Variants in CSMD3 observed in about 807,000 individuals in gnomAD.
CSMD3 encodes the protein CUB and Sushi multiple domains 3.
CSMD3 carries 177 observed loss-of-function variants against 435.2 expected under a neutral mutation model. The ratio of observed to expected loss-of-function variants is 0.41; its 90% confidence interval spans 0.36 to 0.46. The LOEUF (loss-of-function observed/expected upper bound fraction) is 0.46, where lower values mean the gene tolerates loss of function less well. Ranked by LOEUF, CSMD3 falls within the 20% of genes least tolerant of loss-of-function variation. CSMD3 has a pLI of 0.34. For synonymous variants in CSMD3, 1,656 were observed against 1,520.5 expected, an observed-to-expected ratio of 1.09 and a Z score of -2.07; for missense variants, 4,265 against 4,504.6, an observed-to-expected ratio of 0.95 and a Z score of 1.52.
intron 27 of CSMD3, among the ~76,000 whole-genome samples, chr8:112,549,508 C>T (rs980272080): frequency 5.3e-5 from 8 of 151,890 alleles, no homozygotes; most frequent in Non-Finnish European, 7.4e-5. Context: ...GTTCCATAAA[C>T]AAAAAGTCAG....
chr8:113,331,685 A>C (rs1376126059), intron 1 of CSMD3, among the ~76,000 whole-genome samples: 1 of 151,806 alleles, frequency 6.6e-6, no homozygotes, highest in African/African-American at 2.4e-5. Context: ...AAATCCACTA[A>C]GTATCCCAAT....
At chr8:112,493,048 A>C (rs1820861215) in intron 30 of CSMD3, among the ~76,000 whole-genome samples, 4 of 152,088 alleles carry the variant, frequency 2.6e-5, no homozygotes, top group Admixed American at 1.3e-4. Context: ...CCTTTAAGAC[A>C]TGTTCATTTC....
At position 113,051,482 on chromosome 8, in the gene CSMD3, A is replaced by C. The variant is rs2088091734; in HGVS notation, c.918-32303T>G. On this transcript the variant is annotated intron_variant, in intron 5 of 70. Transcript: ENST00000297405. ...TTAATAAATTGTTTTTTACCGTTAA[A>C]GCTCTATTTGCAAATTTCTAAATTT... is the stretch of plus-strand genomic sequence containing the variant. 2.0e-5 allele frequency among the ~76,000 whole-genome samples: 3 copies of C among 152,280 alleles called. 1 individual carries two copies. The South Asian group carries it at 6.2e-4, about 32-fold the overall frequency.
chr8:112,329,278 G>T (rs149762071), intron 45 of CSMD3, among the ~76,000 whole-genome samples: 158 of 152,184 alleles, frequency 1.0e-3, no homozygotes, highest in Non-Finnish European at 2.0e-3. Context: ...CTTTGACCTT[G>T]TTGAAACAAG....
chr8:113,333,157 G>C (rs1002780759), intron 1 of CSMD3, among the ~76,000 whole-genome samples: 1 of 151,522 alleles, frequency 6.6e-6, no homozygotes, highest in African/African-American at 2.4e-5. Context: ...AATTTGAAAG[G>C]TTGTATATAT....
intron 13 of CSMD3, among the ~76,000 whole-genome samples, chr8:112,700,194 G>A (rs2131872202): frequency 6.6e-6 from 1 of 152,152 alleles, no homozygotes; most frequent in Non-Finnish European, 1.5e-5. Context: ...CAAATTATTT[G>A]ATGCTTCTAT....
In CSMD3 at chr8:112,805,429, T is replaced by C. The variant is rs981952361; in HGVS notation, c.1860-5155A>G. 4.0e-5 allele frequency among the ~76,000 whole-genome samples: 6 copies of C among 151,836 alleles called. No individual in the cohort carries two copies. In the South Asian group the frequency reaches 8.3e-4, roughly 21 times the overall value. On this transcript the variant is annotated intron_variant, in intron 12 of 70. Transcript: ENST00000297405. ...ATAAGCAATGGCCATGGTCAAACAA[T>C]ACCCTTTGTCAAAGGCTCTACTAGA...
intron 32 of CSMD3, among the ~76,000 whole-genome samples, chr8:112,436,059 A>G (rs1814308164): frequency 6.6e-6 from 1 of 151,968 alleles, no homozygotes; most frequent in South Asian, 2.1e-4. Context: ...GTCTAACATA[A>G]TGATTGTCAA....
At chr8:113,253,359 C>T (rs997804334) in intron 3 of CSMD3, among the ~76,000 whole-genome samples, 3 of 152,056 alleles carry the variant, frequency 2.0e-5, no homozygotes, top group African/African-American at 7.2e-5. Context: ...GGTGTATCTC[C>T]TAATGCTATC....
chr8:113,370,393 C>T (rs2094339906), intron 1 of CSMD3, among the ~76,000 whole-genome samples: 1 of 150,780 alleles, frequency 6.6e-6, no homozygotes, highest in Non-Finnish European at 1.5e-5. Flanking sequence ...TCTAAATGAC[C>T]TTGTCAAATT....
chr8:112,705,303 C>T (rs1251114595), intron 13 of CSMD3, among the ~76,000 whole-genome samples: 1 of 152,022 alleles, frequency 6.6e-6, no homozygotes, highest in Non-Finnish European at 1.5e-5. Flanking sequence ...AATGAATCTG[C>T]ACAACAAACT....
chr8:112,318,191 T>A (rs1462289352), intron 47 of CSMD3, among the ~76,000 whole-genome samples: 5 of 152,022 alleles, frequency 3.3e-5, no homozygotes, highest in Non-Finnish European at 5.9e-5. Context: ...TCTACCAGAA[T>A]AAGACTCATT....
chr8:112,742,361 T>C (rs1020203808), intron 13 of CSMD3, among the ~76,000 whole-genome samples: 2 of 151,966 alleles, frequency 1.3e-5, no homozygotes, highest in South Asian at 2.1e-4. Flanking sequence ...AAATCTTTGA[T>C]AGGCTATTCT....
intron 10 of CSMD3, among the ~76,000 whole-genome samples, chr8:112,876,560 A>T (rs1415975860): frequency 6.6e-6 from 1 of 152,178 alleles, no homozygotes; most frequent in African/African-American, 2.4e-5. Flanking sequence ...TCCATCACAT[A>T]AAGAGAACTA....
intron 3 of CSMD3, among the ~76,000 whole-genome samples, chr8:113,250,408 G>A (rs553146554): frequency 6.6e-5 from 10 of 152,076 alleles, no homozygotes; most frequent in African/African-American, 2.2e-4. Flanking sequence ...GAGAGATGGA[G>A]GAAAAACAAT....
intron 65 of CSMD3, among the ~76,000 whole-genome samples, chr8:112,243,881 C>T (rs1182982492): frequency 6.6e-6 from 1 of 151,936 alleles, no homozygotes; most frequent in African/African-American, 2.4e-5. Flanking sequence ...CACAAAGATA[C>T]ACAGAAAAGA....
At chr8:112,644,705 T>C (rs1439762788) in intron 20 of CSMD3, among the ~76,000 whole-genome samples, 2 of 152,058 alleles carry the variant, frequency 1.3e-5, no homozygotes, top group Non-Finnish European at 2.9e-5. Context: ...AACAAGTATA[T>C]ATAAACACAT....
intron 13 of CSMD3, among the ~76,000 whole-genome samples, chr8:112,696,566 A>G (rs1005597727): frequency 1.3e-5 from 2 of 152,220 alleles, no homozygotes; most frequent in African/African-American, 4.8e-5. Flanking sequence ...CCTTATACAA[A>G]AAGTAATTCA....
chr8:112,327,454 G>T (rs1823615860), intron 45 of CSMD3, among the ~76,000 whole-genome samples: 1 of 152,154 alleles, frequency 6.6e-6, no homozygotes, highest in African/African-American at 2.4e-5. Context: ...GAACTGAAAT[G>T]ATTAAATCAT....
Sources: allele counts gnomAD v4.1 joint callset (sites outside exome capture counted in the v4.1 genomes callset), GRCh38; gene constraint gnomAD v4.1.1; transcripts MANE v1.5; gene names NCBI Gene and HGNC (gene_info 2026-07-23, HGNC 2026-07-21).